SYN3: variants seen among roughly 807,000 people sequenced by gnomAD.
SYN3 encodes synapsin-3.
In SYN3, 35 loss-of-function variants were observed where a neutral mutation model predicts 65.8. The observed-to-expected ratio is 0.53, with a 90% CI of 0.41 to 0.70. SYN3 has a LOEUF of 0.70. SYN3 is among the 30% of genes least tolerant of loss of function. SYN3 has a pLI of 0.00. For synonymous variants in SYN3, 270 were observed against 292.9 expected (o/e 0.92, Z 0.80); for missense variants, 680 against 749.0 (o/e 0.91, Z 1.08).
intron 6 of SYN3, among the ~76,000 whole-genome samples, chr22:32,834,215 C>T (rs535336946): frequency 6.6e-6 from 1 of 152,084 alleles, no homozygotes; most frequent in Non-Finnish European, 1.5e-5. Flanking sequence ...TGCAGTGGCA[C>T]GATCTCGGCT....
chr22:32,980,151 A>G (rs2052329867), intron 3 of SYN3, among the ~76,000 whole-genome samples: 1 of 152,218 alleles, frequency 6.6e-6, no homozygotes, highest in Non-Finnish European at 1.5e-5. Flanking sequence ...GTCCCTTCTG[A>G]GGTTTTAAAT....
intron 7 of SYN3, among the ~76,000 whole-genome samples, chr22:32,564,863 TGCACCCTAACAGCGCTCCC>T (rs1442899937): frequency 1.4e-5 from 2 of 139,374 alleles, no homozygotes; most frequent in African/African-American, 5.3e-5. Context: ...GCTCCCGGAC[TGCACCCTAACAGCGCTCCC>T]GGACTGCACC....
At chr22:32,621,245 C>T (rs1419490805) in intron 6 of SYN3, among the ~76,000 whole-genome samples, 1 of 151,448 alleles carries the variant, frequency 6.6e-6, no homozygotes, top group Non-Finnish European at 1.5e-5. Context: ...GAGGGTCAGG[C>T]AGGCTAGAAC....
chr22:32,992,590 A>C (rs1601860075), intron 2 of SYN3, among the ~76,000 whole-genome samples: 2 of 152,164 alleles, frequency 1.3e-5, no homozygotes, highest in East Asian at 3.9e-4. Flanking sequence ...AGGCAGTTGG[A>C]TCACCTGAGG....
intron 7 of SYN3, among the ~76,000 whole-genome samples, chr22:32,583,691 G>A (rs2058981834): frequency 6.6e-6 from 1 of 152,176 alleles, no homozygotes; most frequent in Non-Finnish European, 1.5e-5. Flanking sequence ...CCTGGGTCCT[G>A]TGCAGAAATA....
chr22:32,716,495 C>G (rs886552956), intron 6 of SYN3, among the ~76,000 whole-genome samples: 12 of 151,988 alleles, frequency 7.9e-5, no homozygotes, highest in African/African-American at 2.7e-4. Flanking sequence ...CCATGTGGAG[C>G]TGAAGGTGGC....
rs773400247 is a variant in SYN3 at position 32,518,046 on chromosome 22, A to G, written c.1607T>C (p.Leu536Pro). 117 of 1,516,160 alleles carry G rather than the reference A, an allele frequency of 7.7e-5. No individual in the cohort carries two copies. Among genetic ancestry groups the G allele is most frequent in the Non-Finnish European group, 9.3e-5 (106 of 1,134,416 alleles). 93.9% of individuals were successfully genotyped at this position (1,516,160 alleles called of 1,614,324 possible). A position where few individuals can be genotyped will look rare whatever the true frequency, so the allele number is the denominator to read the frequency against. The stretch of plus-strand genomic sequence containing the variant: ...TTCCAATTCCCAAAGCACTTACTTG[A>G]GATGCGGATGGGGTGGTGCTGGCTT... ...SKKPAPPHPH[L>P]NKSQSLTNSL... Residue 536 changes from leucine to proline, a missense_variant, in exon 13 of 14, where the codon CTC (leucine) becomes CCC (proline). Coordinates refer to ENST00000358763, the MANE Select transcript of SYN3 (RefSeq NM_003490.4).
At chr22:32,906,918 G>A (rs963223216) in intron 4 of SYN3, among the ~76,000 whole-genome samples, 1 of 152,256 alleles carries the variant, frequency 6.6e-6, no homozygotes, top group Admixed American at 6.5e-5. Context: ...TGATGGGCAT[G>A]TGGGTTGGTT....
chr22:32,639,360 TC>T (rs1569114050), intron 6 of SYN3, among the ~76,000 whole-genome samples: 1 of 152,208 alleles, frequency 6.6e-6, no homozygotes, highest in East Asian at 1.9e-4. Flanking sequence ...GGGAGTCCTT[TC>T]CCCATTGCTT....
At chr22:32,621,128 C>A (rs985045505) in intron 6 of SYN3, among the ~76,000 whole-genome samples, 7 of 152,156 alleles carry the variant, frequency 4.6e-5, no homozygotes, top group Admixed American at 4.6e-4. Context: ...AAGACATTTA[C>A]ACCAGATCCC....
chr22:32,895,518 A>C (rs1422837128), intron 4 of SYN3, among the ~76,000 whole-genome samples: 1 of 152,242 alleles, frequency 6.6e-6, no homozygotes, highest in Admixed American at 6.5e-5. Context: ...TAAGAATGAC[A>C]GGAAAGAATG....
intron 6 of SYN3, among the ~76,000 whole-genome samples, chr22:32,615,425 C>A (rs549856186): frequency 1.8e-5 from 1 of 56,642 alleles, no homozygotes; most frequent in East Asian, 2.8e-4. Context: ...CAGAGCAAGA[C>A]TTCATCTAAA....
rs943441982 is a variant in SYN3, at chr22:32,588,773, A to G, written c.774+7901T>C. Among the ~76,000 whole-genome samples, 20 of 152,320 alleles carry G rather than the reference A, an allele frequency of 1.3e-4. 1 individual carries two copies. Among genetic ancestry groups the G allele is most frequent in the Admixed American group, 1.1e-3 (17 of 15,308 alleles). On this transcript the variant is annotated intron_variant, in intron 7 of 13. Transcript: ENST00000358763. ...GTAAGCTTTACCCTGACACTATACC[A>G]GCGGTTGGCCTTGAGCTTAATTTCT...
chr22:32,604,987 T>A (rs549619062), intron 6 of SYN3, among the ~76,000 whole-genome samples: 2 of 130,344 alleles, frequency 1.5e-5, no homozygotes, highest in African/African-American at 5.9e-5. Context: ...GCCTGGGCGA[T>A]AGAGCGAGAC....
At chr22:32,696,954 T>G (rs2060744778) in intron 6 of SYN3, among the ~76,000 whole-genome samples, 1 of 152,174 alleles carries the variant, frequency 6.6e-6, no homozygotes, top group Non-Finnish European at 1.5e-5. Flanking sequence ...CCCAACCGTT[T>G]AACAATGTCC....
chr22:32,635,537 T>C (rs1422514855), intron 6 of SYN3, among the ~76,000 whole-genome samples: 1 of 152,196 alleles, frequency 6.6e-6, no homozygotes, highest in Non-Finnish European at 1.5e-5. Context: ...ATAGGGACAT[T>C]CTAGGATATT....
At chr22:32,976,379 C>T (rs763566237) in intron 3 of SYN3, among the ~76,000 whole-genome samples, 11 of 152,150 alleles carry the variant, frequency 7.2e-5, no homozygotes, top group Non-Finnish European at 1.3e-4. Context: ...TCTGTCAACA[C>T]GGAGGAAAGA....
intron 6 of SYN3, among the ~76,000 whole-genome samples, chr22:32,767,049 G>T (rs1282612631): frequency 6.6e-6 from 1 of 152,024 alleles, no homozygotes; most frequent in Non-Finnish European, 1.5e-5. Flanking sequence ...TCAGTTATAG[G>T]CCTGTGCCTT....
In SYN3 at chr22:32,801,953, A is replaced by C. The variant is rs768022114; in HGVS notation, c.711+62962T>G. ...CAGCCCCGCCGGCGGCGCGCACGGCAACTTTGGAGAGGCGAGCAGCAGCCC... is the reference window on the plus strand; with the variant it reads ...CAGCCCCGCCGGCGGCGCGCACGGCCACTTTGGAGAGGCGAGCAGCAGCCC... On this transcript the variant is annotated intron_variant, in intron 6 of 13. Transcript: ENST00000358763. This position sits in a 1 kb window ranked among gnomAD's most constrained non-coding sequence, Gnocchi z 4.7. 3.9e-6 allele frequency: 6 copies of C among 1,555,534 alleles called. No homozygotes were observed. The highest frequency in any genetic ancestry group is 5.2e-6 in the Non-Finnish European group (6 of 1,160,464).
Sources: gnomAD v4.1 joint callset for allele counts (sites outside exome capture counted in the v4.1 genomes callset) on GRCh38, gnomAD v4.1.1 for gene constraint, Gnocchi (gnomAD v3.1) non-coding constraint, MANE v1.5 for transcripts, NCBI Gene and HGNC (gene_info 2026-07-23, HGNC 2026-07-21) for gene names.